Variants in DYNC1LI1 observed in about 807,000 individuals in gnomAD.
The protein encoded by DYNC1LI1 is dynein cytoplasmic 1 light intermediate chain 1, also known as cytoplasmic dynein 1 light intermediate chain 1.
DYNC1LI1 carries 19 observed loss-of-function variants against 63.8 expected under a neutral mutation model. That is an observed-to-expected ratio of 0.30 (90% CI 0.21 to 0.44). The LOEUF is 0.44. DYNC1LI1 is among the 20% of genes least tolerant of loss of function. The probability of loss-of-function intolerance (pLI) is 1.00; values close to 1 mark genes in which losing one functional copy is unlikely to be tolerated. For synonymous variants in DYNC1LI1, 225 were observed against 232.3 expected (o/e 0.97, Z 0.28); for missense variants, 565 against 630.2 (o/e 0.90, Z 1.11).
At chr3:32,548,472 TA>T (rs1431541731) in intron 2 of DYNC1LI1, among the ~76,000 whole-genome samples, 1 of 152,110 alleles carries the variant, frequency 6.6e-6, no homozygotes, top group East Asian at 1.9e-4. Context: ...CTGTGTTAAA[TA>T]AAACAAGCCA....
intron 2 of DYNC1LI1, among the ~76,000 whole-genome samples, chr3:32,548,065 A>G (rs997188397): frequency 6.6e-6 from 1 of 152,040 alleles, no homozygotes; most frequent in Non-Finnish European, 1.5e-5. Flanking sequence ...AGCCTCAAAG[A>G]AGGAAGGAAT....
chr3:32,565,609 A>T (rs1479166828), intron 2 of DYNC1LI1, among the ~76,000 whole-genome samples: 3 of 152,032 alleles, frequency 2.0e-5, no homozygotes, highest in Non-Finnish European at 4.4e-5. Flanking sequence ...TAGGCTGCAC[A>T]ATTTTTCTTT....
intron 2 of DYNC1LI1, among the ~76,000 whole-genome samples, chr3:32,550,937 G>C (rs1698029209): frequency 6.6e-6 from 1 of 150,424 alleles, no homozygotes; most frequent in Non-Finnish European, 1.5e-5. Flanking sequence ...GAGCCTGGGT[G>C]ATCAAGTGAG....
At chr3:32,568,045 C>T (rs115470696) in intron 2 of DYNC1LI1, among the ~76,000 whole-genome samples, 2,914 of 152,108 alleles carry the variant, frequency 0.019, 41 homozygotes, top group Non-Finnish European at 0.029. Flanking sequence ...ACCATACTAC[C>T]CAGGCTGGTC....
intron 2 of DYNC1LI1, among the ~76,000 whole-genome samples, chr3:32,565,268 T>C (rs1660563134): frequency 3.3e-5 from 5 of 152,196 alleles, no homozygotes; most frequent in Admixed American, 2.6e-4. Context: ...TAAATTCAAA[T>C]AGCCGGATTT....
At chr3:32,560,210 G>A (rs1043069493) in intron 2 of DYNC1LI1, among the ~76,000 whole-genome samples, 125 of 152,068 alleles carry the variant, frequency 8.2e-4, no homozygotes, top group African/African-American at 2.8e-3. Context: ...TGAGGCAGGC[G>A]GATCAACTGA....
intron 2 of DYNC1LI1, among the ~76,000 whole-genome samples, chr3:32,551,288 T>C (rs1282415713): frequency 1.3e-5 from 2 of 152,098 alleles, no homozygotes; most frequent in African/African-American, 2.4e-5. Context: ...TAATGAACCA[T>C]GGAGAGTCTG....
intron 2 of DYNC1LI1, among the ~76,000 whole-genome samples, chr3:32,550,804 C>T (rs1202577992): frequency 1.3e-5 from 2 of 152,046 alleles, no homozygotes; most frequent in African/African-American, 2.4e-5. Context: ...TCCAGAGATG[C>T]TGATACTGCT....
chr3:32,533,610 G>A (rs1697733617), intron 7 of DYNC1LI1, among the ~76,000 whole-genome samples: 1 of 147,758 alleles, frequency 6.8e-6, no homozygotes, highest in South Asian at 2.1e-4. Flanking sequence ...TTGTTGCCCA[G>A]GTTGGAGTAC....
At chr3:32,552,931 G>C (rs1022411547) in intron 2 of DYNC1LI1, among the ~76,000 whole-genome samples, 2 of 152,068 alleles carry the variant, frequency 1.3e-5, no homozygotes, top group Non-Finnish European at 2.9e-5. Flanking sequence ...TCTTGACCTC[G>C]TGATCTGCCT....
At chr3:32,542,974 T>G (rs1291157194) in intron 4 of DYNC1LI1, among the ~76,000 whole-genome samples, 1 of 152,234 alleles carries the variant, frequency 6.6e-6, no homozygotes, top group Non-Finnish European at 1.5e-5. Context: ...AATCTAATAG[T>G]GGCTGTCAAA....
intron 2 of DYNC1LI1, among the ~76,000 whole-genome samples, chr3:32,567,893 G>A (rs62252805): frequency 0.065 from 9,919 of 152,020 alleles, 430 homozygotes; most frequent in Middle Eastern, 0.095. Flanking sequence ...TAGTAGAGAT[G>A]GGGTTTCACC....
chr3:32,551,371 A>C (rs1698036267), intron 2 of DYNC1LI1, among the ~76,000 whole-genome samples: 1 of 152,198 alleles, frequency 6.6e-6, no homozygotes, highest in African/African-American at 2.4e-5. Flanking sequence ...TCCTTCTAGG[A>C]AGGACAAATA....
chr3:32,527,264 T>C (rs893781737), intron 12 of DYNC1LI1, among the ~76,000 whole-genome samples: 2 of 152,064 alleles, frequency 1.3e-5, no homozygotes, highest in African/African-American at 4.8e-5. Context: ...ACCACTGCAC[T>C]CCAACCTAGA....
At chr3:32,541,253 G>C (rs778027231) in intron 4 of DYNC1LI1, 47 bp from the exon 5 acceptor site, 1 of 1,306,172 alleles carries the variant, frequency 7.7e-7, no homozygotes, top group East Asian at 2.5e-5. Context: ...CATTTCAGCA[G>C]GTAACTTTTC....
intron 2 of DYNC1LI1, among the ~76,000 whole-genome samples, chr3:32,551,400 T>C (rs1462127409): frequency 6.6e-6 from 1 of 152,054 alleles, no homozygotes; most frequent in African/African-American, 2.4e-5. Flanking sequence ...GCATGAGATT[T>C]AGGATGTGAA....
intron 2 of DYNC1LI1, among the ~76,000 whole-genome samples, chr3:32,559,739 A>G (rs1193224401): frequency 6.6e-6 from 1 of 152,190 alleles, no homozygotes; most frequent in African/African-American, 2.4e-5. Flanking sequence ...GGGAATTCTA[A>G]TGTGCTATAT....
At chr3:32,545,661 A>G (rs3773780) in intron 3 of DYNC1LI1, 188 bp downstream of exon 3, 1 of 592,368 alleles carries the variant, frequency 1.7e-6, no homozygotes, top group Non-Finnish European at 3.0e-6. Flanking sequence ...TAAGATGCTT[A>G]AAAGTATCAT....
intron 4 of DYNC1LI1, among the ~76,000 whole-genome samples, chr3:32,543,398 CTTTTTTTT>C (rs968681360): frequency 7.8e-6 from 1 of 127,484 alleles, no homozygotes; most frequent in Admixed American, 8.2e-5. Context: ...TATTTCCTTT[CTTTTTTTT>C]TTTTTTTTTT....
Sources: allele counts gnomAD v4.1 joint callset (sites outside exome capture counted in the v4.1 genomes callset), GRCh38; gene constraint gnomAD v4.1.1; transcripts MANE v1.5; gene names NCBI Gene and HGNC (gene_info 2026-07-23, HGNC 2026-07-21).